Variants in MGLL observed in about 807,000 individuals in gnomAD.
The protein encoded by MGLL is lysophospholipase homolog.
Under a neutral mutation model 29.1 loss-of-function variants are expected in MGLL, and 7 were observed. That is an observed-to-expected ratio of 0.24 (90% confidence interval 0.14 to 0.45). The LOEUF (loss-of-function observed/expected upper bound fraction) is 0.45, where lower values mean the gene tolerates loss of function less well. Ranked by LOEUF, MGLL falls within the 20% of genes least tolerant of loss-of-function variation. MGLL has a pLI of 0.99. For missense variants in MGLL, 356 were observed against 413.6 expected, an observed-to-expected ratio of 0.86 and a Z score of 1.21; for synonymous variants, 148 against 168.3, an observed-to-expected ratio of 0.88 and a Z score of 0.93.
chr3:127,734,271 C>A (rs911747438), intron 3 of MGLL, among the ~76,000 whole-genome samples: 5 of 152,214 alleles, frequency 3.3e-5, no homozygotes, highest in Admixed American at 6.5e-5. Flanking sequence ...TGGGACTGGT[C>A]TGGTCCCTCA....
intron 3 of MGLL, among the ~76,000 whole-genome samples, chr3:127,764,791 C>G (rs370584262): frequency 6.6e-6 from 1 of 152,084 alleles, no homozygotes; most frequent in Non-Finnish European, 1.5e-5. Flanking sequence ...TTTCCTAAGG[C>G]GGAAAAGTAG....
intron 2 of MGLL, among the ~76,000 whole-genome samples, chr3:127,820,487 C>T (rs1468199257): frequency 6.6e-6 from 1 of 152,222 alleles, no homozygotes; most frequent in Non-Finnish European, 1.5e-5. Context: ...GAGACTCAGA[C>T]ATTAAAAACT....
At position 127,710,632 on chromosome 3, in the gene MGLL, G is replaced by T; in HGVS notation, c.544C>A (p.Pro182Thr). The T allele has an allele frequency of 6.4e-7, 1 of 1,574,302 alleles. No individual in the cohort carries two copies. Among genetic ancestry groups the T allele is most frequent in the Non-Finnish European group, 8.6e-7 (1 of 1,158,940 alleles). ...TCGATGGGCCCGAGGGACAAGTTTG[G>T]CAGCACAAGGTTGAGCACTTTCGCA... ...LAAKVLNLVL[P>T]NLSLGPIDSS... Residue 182 changes from proline to threonine, a missense_variant, in exon 6 of 8, where the codon CCA becomes ACA. Pro to Thr is a conservative substitution (Grantham distance 38, BLOSUM62 -1). Coordinates refer to ENST00000265052, the MANE Select transcript of MGLL (RefSeq NM_007283.7).
intron 3 of MGLL, among the ~76,000 whole-genome samples, chr3:127,726,190 A>AAAGGAAAG: frequency 1.3e-5 from 1 of 74,316 alleles, no homozygotes; most frequent in African/African-American, 5.2e-5. Flanking sequence ...GAAAGAAAAG[A>AAAGGAAAG]AAAGAAAGAA....
intron 4 of MGLL, among the ~76,000 whole-genome samples, chr3:127,722,093 A>G (rs886557837): frequency 7.2e-5 from 11 of 152,214 alleles, no homozygotes; most frequent in African/African-American, 2.7e-4. Context: ...GGGACATTTC[A>G]TGTGCTTCTT....
At chr3:127,779,794 C>T (rs2077092977) in intron 3 of MGLL, among the ~76,000 whole-genome samples, 2 of 152,190 alleles carry the variant, frequency 1.3e-5, no homozygotes, top group Non-Finnish European at 2.9e-5. Flanking sequence ...CTTACTAGCA[C>T]ATTTCTCAGC....
chr3:127,783,020 C>T (rs536526650), intron 2 of MGLL, among the ~76,000 whole-genome samples: 2 of 151,386 alleles, frequency 1.3e-5, no homozygotes, highest in East Asian at 3.9e-4. Flanking sequence ...ATAAAAAGTA[C>T]AAAAATTAAC....
chr3:127,752,763 G>A (rs1200983133), intron 3 of MGLL, among the ~76,000 whole-genome samples: 2 of 152,152 alleles, frequency 1.3e-5, no homozygotes, highest in African/African-American at 4.8e-5. Context: ...AAAACCGGCT[G>A]AGCTTCCCCA....
At chr3:127,804,609 T>C (rs942231264) in intron 2 of MGLL, among the ~76,000 whole-genome samples, 2 of 152,252 alleles carry the variant, frequency 1.3e-5, no homozygotes, top group African/African-American at 4.8e-5. Context: ...GAGTGGTCAG[T>C]AGTCACATCT....
intron 5 of MGLL, among the ~76,000 whole-genome samples, chr3:127,717,225 C>T (rs567791292): frequency 6.6e-6 from 1 of 152,308 alleles, no homozygotes; most frequent in African/African-American, 2.4e-5. Context: ...CTTGTTTCCC[C>T]TCCCTCCCTG....
At chr3:127,758,620 A>G (rs2076705289) in intron 3 of MGLL, among the ~76,000 whole-genome samples, 1 of 152,216 alleles carries the variant, frequency 6.6e-6, no homozygotes. Flanking sequence ...ACAAAGTGCC[A>G]GTCTCCTTTC....
chr3:127,708,184 T>C (rs1308559762), intron 6 of MGLL, among the ~76,000 whole-genome samples: 1 of 152,230 alleles, frequency 6.6e-6, no homozygotes, highest in African/African-American at 2.4e-5. Context: ...CCAACACATT[T>C]TCCCCTCAGC....
intron 2 of MGLL, among the ~76,000 whole-genome samples, chr3:127,814,626 G>A (rs1359941401): frequency 1.3e-5 from 2 of 151,974 alleles, no homozygotes; most frequent in Non-Finnish European, 2.9e-5. Flanking sequence ...TTTTTTCTTC[G>A]ACTCTACTGC....
At chr3:127,694,916 T>A (rs1457297687) in intron 7 of MGLL, 59 bp downstream of exon 7, 17 of 1,553,080 alleles carry the variant, frequency 1.1e-5, no homozygotes, top group Non-Finnish European at 1.4e-5. Context: ...CCCCAAGGGG[T>A]GCTGCCTTCC....
intron 3 of MGLL, among the ~76,000 whole-genome samples, chr3:127,752,714 C>T (rs534368062): frequency 2.0e-5 from 3 of 152,222 alleles, no homozygotes; most frequent in African/African-American, 7.2e-5. Context: ...CAGATGGAAC[C>T]TTCCCAAAAT....
intron 6 of MGLL, among the ~76,000 whole-genome samples, chr3:127,699,304 T>G (rs1029087229): frequency 4.6e-5 from 7 of 152,184 alleles, no homozygotes; most frequent in African/African-American, 1.7e-4. Context: ...TACACTTACG[T>G]TTGAGCAAAA....
rs548174604 is a variant in MGLL, at chr3:127,780,606, A to G, written c.262+1183T>C. On this transcript the variant is annotated intron_variant, in intron 3 of 7. Transcript: ENST00000265052. Reference sequence around the variant, plus strand: ...CTGTCAGTTATGAGGACGCTTGTGTATATCCAGCTGAATAAGAGCCCCTGG... The same window carrying G: ...CTGTCAGTTATGAGGACGCTTGTGTGTATCCAGCTGAATAAGAGCCCCTGG... 3.3e-5 allele frequency among the ~76,000 whole-genome samples: 5 copies of G among 152,356 alleles called. No homozygotes were observed. The South Asian group carries it at 1.0e-3, about 32-fold the overall frequency.
intron 2 of MGLL, among the ~76,000 whole-genome samples, chr3:127,786,028 G>T (rs950357816): frequency 1.3e-5 from 2 of 152,184 alleles, no homozygotes; most frequent in African/African-American, 4.8e-5. Flanking sequence ...TACTCCAGGC[G>T]CAGAAGGAAG....
chr3:127,731,297 C>T (rs1161275236), intron 3 of MGLL, among the ~76,000 whole-genome samples: 1 of 151,150 alleles, frequency 6.6e-6, no homozygotes. Flanking sequence ...GGACTACAGG[C>T]GCACACCACT....
Sources: gnomAD v4.1 joint callset for allele counts (sites outside exome capture counted in the v4.1 genomes callset) on GRCh38, gnomAD v4.1.1 for gene constraint, MANE v1.5 for transcripts, NCBI Gene and HGNC (gene_info 2026-07-23, HGNC 2026-07-21) for gene names.